GSPT1: variants seen among roughly 807,000 people sequenced by gnomAD.
GSPT1 encodes G1 to S phase transition 1, also known as eukaryotic peptide chain release factor GTP-binding subunit ERF3A.
GSPT1 carries 20 observed loss-of-function variants against 72.5 expected under a neutral mutation model. That is an observed-to-expected ratio of 0.28 (90% CI 0.19 to 0.40). GSPT1 has a LOEUF of 0.40. Among genes scored for constraint, GSPT1 ranks in the 10% least tolerant of loss-of-function variants. The pLI, the probability that GSPT1 is intolerant of heterozygous loss-of-function variation, is 1.00. For missense variants in GSPT1, 580 were observed against 811.9 expected (o/e 0.71, Z 3.47); for synonymous variants, 334 against 293.5 (o/e 1.14, Z -1.41).
chr16:11,901,693 G>A (rs2054408550), intron 1 of GSPT1, among the ~76,000 whole-genome samples: 1 of 151,818 alleles, frequency 6.6e-6, no homozygotes. Flanking sequence ...TCAGGAAACT[G>A]AGGCAGGAGA....
intron 12 of GSPT1, among the ~76,000 whole-genome samples, chr16:11,876,816 C>T (rs1455620358): frequency 1.3e-5 from 2 of 152,174 alleles, no homozygotes; most frequent in Non-Finnish European, 2.9e-5. Flanking sequence ...AGGAACTAAG[C>T]TAATTTTTAC....
intron 11 of GSPT1, among the ~76,000 whole-genome samples, chr16:11,879,418 T>C (rs1248038008): frequency 8.3e-6 from 1 of 121,094 alleles, no homozygotes. Context: ...GAAACAAGAG[T>C]TTAGAAGTCA....
chr16:11,876,212 T>A, intron 12 of GSPT1, 37 bp from the exon 13 acceptor site: 1 of 1,254,610 alleles, frequency 8.0e-7, no homozygotes, highest in Non-Finnish European at 1.2e-6. Context: ...TCTTTAGCCT[T>A]AGGGTAAATA....
intron 1 of GSPT1, 59 bp downstream of exon 1, chr16:11,915,310 C>T (rs1306631504): frequency 5.0e-6 from 7 of 1,408,288 alleles, no homozygotes; most frequent in Middle Eastern, 2.5e-4. Context: ...GGACCGCACC[C>T]CTACGCCATG....
At position 11,915,404 on chromosome 16, in the gene GSPT1, T is replaced by G. The variant is rs1222767665; in HGVS notation, c.317A>C (p.Asn106Thr). The change falls in exon 1 of 15, where the codon AAC becomes ACC. Residue 106 changes from asparagine to threonine, a missense_variant. Around this residue, in one of 6 missense-constraint regions of GSPT1, gnomAD observed 327 missense variants for 298.8 expected, o/e 1.09. Coordinates refer to ENST00000434724, the MANE Select transcript of GSPT1 (RefSeq NM_002094.4). ...TCCCGCGCCGCTGCCGGCTCCGTGGTTATTGGCGGCGCCGCCAACTGGGGG... is the reference window on the plus strand; with the variant it reads ...TCCCGCGCCGCTGCCGGCTCCGTGGGTATTGGCGGCGCCGCCAACTGGGGG... ...PPPPVGGAANNHGAGSGAGGR... is the reference protein window; with the variant it reads ...PPPPVGGAANTHGAGSGAGGR... The G allele has an allele frequency of 4.6e-6, 7 of 1,505,668 alleles. No homozygotes were observed. In the African/African-American group the frequency reaches 8.9e-5, roughly 19 times the overall value. The allele number at this position is 1,505,668 out of a possible 1,614,324, so 93.3% of individuals were successfully genotyped here.
chr16:11,875,478 T>C (rs1444765631), intron 14 of GSPT1, among the ~76,000 whole-genome samples: 9 of 152,100 alleles, frequency 5.9e-5, no homozygotes, highest in Admixed American at 4.6e-4. Flanking sequence ...AAGGATTACA[T>C]CATAGAAATA....
chr16:11,909,099 T>C (rs1001558019), intron 1 of GSPT1, among the ~76,000 whole-genome samples: 47 of 152,164 alleles, frequency 3.1e-4, no homozygotes, highest in Non-Finnish European at 1.5e-4. Context: ...CGCTTTTTTT[T>C]TTTCAAGTGA....
In GSPT1 at chr16:11,883,155, T is replaced by C. The variant is rs549021958; in HGVS notation, c.1348-60A>G. The C allele has an allele frequency of 1.1e-4, 110 of 991,356 alleles. No individual in the cohort carries two copies. The Admixed American group carries it at 1.2e-3, about 11-fold the overall frequency. 61.4% of individuals were successfully genotyped at this position (991,356 alleles called of 1,614,324 possible). A position where few individuals can be genotyped will look rare whatever the true frequency, so the allele number is the denominator to read the frequency against. ...TTCTTGGTGCTGTATAACAGCTCAA[T>C]AGCCCAAAGTGAAATTCTACACTGC... On this transcript the variant is annotated intron_variant, in intron 10 of 14. Coordinates refer to ENST00000434724, the MANE Select transcript of GSPT1 (RefSeq NM_002094.4).
chr16:11,871,389 G>A lies in GSPT1; in HGVS notation c.*1730C>T, dbSNP rs936636306. 1.3e-5 allele frequency: 2 copies of A among 152,134 alleles called. No homozygotes were observed. Among genetic ancestry groups the A allele is most frequent in the African/African-American group, 4.8e-5 (2 of 41,414 alleles). 9.4% of individuals were successfully genotyped at this position (152,134 alleles called of 1,614,324 possible). On this transcript the variant is annotated 3_prime_UTR_variant, in exon 15 of 15. Coordinates refer to ENST00000434724, the MANE Select transcript of GSPT1 (RefSeq NM_002094.4). The stretch of plus-strand genomic sequence containing the variant: ...TTGAGACCAGCCTGACCAATAGGGG[G>A]AAACCTCGTCTCCACTAAAGATACA...
chr16:11,895,431 CAA>C (rs58577286), intron 4 of GSPT1: 1,200 of 113,812 alleles, frequency 0.011, 21 homozygotes, highest in East Asian at 0.069. Context: ...AACTCCATCT[CAA>C]AAAAAAAAAA....
At chr16:11,883,398 G>A (rs1342243244) in intron 10 of GSPT1, among the ~76,000 whole-genome samples, 1 of 144,886 alleles carries the variant, frequency 6.9e-6, no homozygotes, top group East Asian at 2.0e-4. Flanking sequence ...TGGACCACCT[G>A]AGGTCAGGAG....
In GSPT1 at chr16:11,915,286, G is replaced by C. The variant is rs1255033282; in HGVS notation, c.352+83C>G. On this transcript the variant is annotated intron_variant, in intron 1 of 14. Transcript: ENST00000434724. ...GCCCCACGTGCCGACCGGGCCCCAG[G>C]GCCGCGCGCCCCCGGACCGCACCCC... 5.6e-6 allele frequency: 7 copies of C among 1,252,824 alleles called. No homozygotes were observed. The African/African-American group carries it at 9.5e-5, about 17-fold the overall frequency. 77.6% of individuals were successfully genotyped at this position (1,252,824 alleles called of 1,614,324 possible).
At chr16:11,894,824 G>A (rs1407036159) in intron 5 of GSPT1, 130 bp downstream of exon 5, 4 of 602,806 alleles carry the variant, frequency 6.6e-6, no homozygotes, top group East Asian at 3.1e-5. Flanking sequence ...TTGTGTCCCA[G>A]TAATTTTATT....
Position 11,870,731 on chromosome 16 carries a change from G to T in GSPT1, c.*2388C>A, listed in dbSNP as rs1435762113. On this transcript the variant is annotated 3_prime_UTR_variant, in exon 15 of 15. Coordinates refer to ENST00000434724, the MANE Select transcript of GSPT1 (RefSeq NM_002094.4). ...AAAGCCCATAGAACTTATGTTGCTGGTTAATTTTAGCACTGAAATTTCTTT... is the reference window on the plus strand; with the variant it reads ...AAAGCCCATAGAACTTATGTTGCTGTTTAATTTTAGCACTGAAATTTCTTT... 2.0e-5 allele frequency: 3 copies of T among 152,212 alleles called. No homozygotes were observed. Among genetic ancestry groups the T allele is most frequent in the African/African-American group, 7.2e-5 (3 of 41,452 alleles). The allele number at this position is 152,212 out of a possible 1,614,324, so 9.4% of individuals were successfully genotyped here.
chr16:11,886,003 T>C (rs1242465390), intron 9 of GSPT1, among the ~76,000 whole-genome samples: 2 of 152,114 alleles, frequency 1.3e-5, no homozygotes, highest in Non-Finnish European at 2.9e-5. Flanking sequence ...GAATAGTCTT[T>C]TCAACAAATT....
intron 11 of GSPT1, among the ~76,000 whole-genome samples, chr16:11,880,000 C>G (rs932099418): frequency 6.6e-6 from 1 of 152,154 alleles, no homozygotes; most frequent in South Asian, 2.1e-4. Context: ...AACTGAAACT[C>G]CCCGTTCACC....
intron 1 of GSPT1, among the ~76,000 whole-genome samples, chr16:11,899,116 C>T (rs1428364153): frequency 5.9e-5 from 9 of 152,094 alleles, no homozygotes; most frequent in African/African-American, 1.7e-4. Context: ...AGAATCTCCA[C>T]GACAGAAAAC....
intron 1 of GSPT1, among the ~76,000 whole-genome samples, chr16:11,906,625 C>A (rs943778478): frequency 2.6e-5 from 4 of 152,080 alleles, no homozygotes; most frequent in African/African-American, 9.7e-5. Flanking sequence ...CAATGTGAGA[C>A]CCTGTCTCAA....
chr16:11,904,214 T>A (rs933186577), intron 1 of GSPT1: 3 of 158,208 alleles, frequency 1.9e-5, no homozygotes, highest in Non-Finnish European at 2.9e-5. Context: ...TATTTTATTT[T>A]ATTTATTTAT....
Sources: gnomAD v4.1 joint callset for allele counts (sites outside exome capture counted in the v4.1 genomes callset) on GRCh38, gnomAD v4.1.1 for gene constraint, gnomAD v4.1.1 regional missense constraint, MANE v1.5 for transcripts, NCBI Gene and HGNC (gene_info 2026-07-23, HGNC 2026-07-21) for gene names.